Variants in PAF1 observed in about 807,000 individuals in gnomAD.
PAF1 encodes the protein PAF1 component of Paf1/RNA polymerase II complex.
PAF1 carries 31 observed loss-of-function variants against 68.4 expected under a neutral mutation model. The ratio of observed to expected loss-of-function variants is 0.45; its 90% confidence interval spans 0.34 to 0.61. The LOEUF (loss-of-function observed/expected upper bound fraction) is 0.61. PAF1 is among the 20% of genes least tolerant of loss of function. The probability of loss-of-function intolerance (pLI) is 0.01; values close to 1 mark genes in which losing one functional copy is unlikely to be tolerated. For missense variants in PAF1, 435 were observed against 692.9 expected (o/e 0.63, Z 4.18); for synonymous variants, 256 against 240.5 (o/e 1.06, Z -0.60).
intron 1 of PAF1, 33 bp downstream of exon 1, chr19:39,390,785 C>G (rs568250519): frequency 1.3e-4 from 205 of 1,561,184 alleles, no homozygotes; most frequent in Non-Finnish European, 1.7e-4. Flanking sequence ...CCCGATCCCC[C>G]GCCTTGCTGC....
At position 39,386,410 on chromosome 19, in the gene PAF1, G is replaced by A. The variant is rs2078250324; in HGVS notation, c.1184-7C>T. 1 of 1,614,032 alleles carries A rather than the reference G, an allele frequency of 6.2e-7. No homozygotes were observed. The highest frequency in any genetic ancestry group is 8.5e-7 in the Non-Finnish European group (1 of 1,179,940). On this transcript the variant is annotated splice_polypyrimidine_tract_variant and splice_region_variant and intron_variant, in intron 13 of 13. Transcript: ENST00000221265. The surrounding 1 kb of genome is among the most constrained non-coding windows in gnomAD (Gnocchi z 6.1). ...CCCTTCTCCTGCTCCTCATCTGGAAGGGAGTGGAGAGAGATGAAACCCACT... is the reference window on the plus strand; with the variant it reads ...CCCTTCTCCTGCTCCTCATCTGGAAAGGAGTGGAGAGAGATGAAACCCACT...
At chr19:39,390,740 T>A in intron 1 of PAF1, 78 bp downstream of exon 1, 1 of 1,447,818 alleles carries the variant, frequency 6.9e-7, no homozygotes, top group Non-Finnish European at 9.5e-7. Context: ...CGGGCAGACC[T>A]GGGGGCTGGT....
chr19:39,386,562 T>G lies in PAF1; in HGVS notation c.1103A>C (p.Lys368Thr), dbSNP rs990816879. 6.2e-7 allele frequency: 1 copy of G among 1,614,126 alleles called. No individual in the cohort carries two copies. Among genetic ancestry groups the G allele is most frequent in the Non-Finnish European group, 8.5e-7 (1 of 1,179,996 alleles). The change falls in exon 13 of 14, where the codon AAG (lysine) becomes ACG (threonine). Residue 368 changes from lysine (K) to threonine (T), a missense_variant. Physicochemically the swap from Lys to Thr is moderately conservative, Grantham distance 78 (BLOSUM62 -1). Around this residue, in one of 7 missense-constraint regions of PAF1, gnomAD observed 151 missense variants for 306.3 expected, o/e 0.49. Transcript: ENST00000221265. The surrounding 1 kb of genome is among the most constrained non-coding windows in gnomAD (Gnocchi z 6.1). ...CGGTTCGTGGTTTTCTAGCTGGGCC[T>G]TCCGTGCCTCCTGGAAGCAGCAAGA... ...EKELEAQEAR[K>T]AQLENHEPEE...
At chr19:39,387,839 C>T (rs947283103) in intron 11 of PAF1, among the ~76,000 whole-genome samples, 4 of 152,168 alleles carry the variant, frequency 2.6e-5, no homozygotes, top group Admixed American at 6.5e-5. Flanking sequence ...TAAATGTCTC[C>T]TGCATTAAGA....
Position 39,388,930 on chromosome 19 carries a change from C to T in PAF1, c.636+17G>A. ...ACAAATAGGCTGTCCCTTTCTACCTCCCACCTTGGGCCTGACCTTAAAGTC... is the reference window on the plus strand; with the variant it reads ...ACAAATAGGCTGTCCCTTTCTACCTTCCACCTTGGGCCTGACCTTAAAGTC... On this transcript the variant is annotated intron_variant, in intron 8 of 13. Coordinates refer to ENST00000221265, the MANE Select transcript of PAF1 (RefSeq NM_019088.4). 2 of 1,613,808 alleles carry T rather than the reference C, an allele frequency of 1.2e-6. No homozygotes were observed. Among genetic ancestry groups the T allele is most frequent in the African/African-American group, 1.3e-5 (1 of 75,032 alleles).
At chr19:39,390,224 G>GC (rs1460013004) in intron 2 of PAF1, 36 bp downstream of exon 2, 3 of 1,613,286 alleles carry the variant, frequency 1.9e-6, no homozygotes, top group East Asian at 2.2e-5. Flanking sequence ...CAGCCCCACT[G>GC]CCCCACCGCT....
chr19:39,389,401 G>A lies in PAF1; in HGVS notation c.360-18C>T, dbSNP rs1436242382. 3.1e-6 allele frequency: 5 copies of A among 1,613,204 alleles called. No individual in the cohort carries two copies. The highest frequency in any genetic ancestry group is 4.5e-5 in the East Asian group (2 of 44,874). ...GCTGGGATCTGGGGTGGGAAATCAG[G>A]TATCTCAGGACCCCACTGCCCTCCT... On this transcript the variant is annotated intron_variant, in intron 5 of 13. Transcript: ENST00000221265. This position sits in a 1 kb window ranked among gnomAD's most constrained non-coding sequence, Gnocchi z 5.3.
chr19:39,386,619 G>C lies in PAF1; in HGVS notation c.1093-47C>G, dbSNP rs2078256517. ...TGAGGGGAAGGAGGGTGTTCTGCTG[G>C]GTTTTTGTCCCCCTCCTCACCTACA... On this transcript the variant is annotated intron_variant, in intron 12 of 13. Transcript: ENST00000221265. This position sits in a 1 kb window ranked among gnomAD's most constrained non-coding sequence, Gnocchi z 6.1. 1 of 1,608,364 alleles carries C rather than the reference G, an allele frequency of 6.2e-7. No individual in the cohort carries two copies. The highest frequency in any genetic ancestry group is 8.5e-7 in the Non-Finnish European group (1 of 1,175,000).
rs2078267425 is a variant in PAF1 at position 39,387,037 on chromosome 19, T to C, written c.987-238A>G. 4 of 580,776 alleles carry C rather than the reference T, an allele frequency of 6.9e-6. 1 individual carries two copies. The South Asian group carries it at 7.9e-5, about 12-fold the overall frequency. 36.0% of individuals were successfully genotyped at this position (580,776 alleles called of 1,614,324 possible). A position where few individuals can be genotyped will look rare whatever the true frequency, so the allele number is the denominator to read the frequency against. On this transcript the variant is annotated intron_variant, in intron 11 of 13. Coordinates refer to ENST00000221265, the MANE Select transcript of PAF1 (RefSeq NM_019088.4). ...TGCCCTACACTGTGTGTGTGTGTTA[T>C]ACGGTGTATTTACATAAATACGGGC...
Position 39,389,550 on chromosome 19 carries a change from G to A in PAF1, c.293-4C>T. On this transcript the variant is annotated splice_polypyrimidine_tract_variant and splice_region_variant and intron_variant, in intron 4 of 13. Coordinates refer to ENST00000221265, the MANE Select transcript of PAF1 (RefSeq NM_019088.4). The surrounding 1 kb of genome is among the most constrained non-coding windows in gnomAD (Gnocchi z 5.3). ...TCATCAGCTGGATCTAGAAGAACTA[G>A]AGGAGAGCGGGGGGCAGGAGGACCA... 1 of 1,614,202 alleles carries A rather than the reference G, an allele frequency of 6.2e-7. No individual in the cohort carries two copies. The highest frequency in any genetic ancestry group is 8.5e-7 in the Non-Finnish European group (1 of 1,180,024).
intron 3 of PAF1, 51 bp downstream of exon 3, chr19:39,390,018 C>T (rs1247009781): frequency 1.4e-6 from 2 of 1,449,554 alleles, no homozygotes; most frequent in Middle Eastern, 1.7e-4. Context: ...CAAGCAGTCC[C>T]TGCCTTCAAG....
intron 11 of PAF1, 57 bp downstream of exon 11, chr19:39,388,282 C>T (rs1395364042): frequency 7.5e-6 from 12 of 1,596,926 alleles, no homozygotes; most frequent in Non-Finnish European, 8.6e-6. Context: ...CTCTTGCATG[C>T]CCCAGGGTCT....
At chr19:39,388,232 C>G (rs1460524324) in intron 11 of PAF1, 107 bp downstream of exon 11, 8 of 1,058,944 alleles carry the variant, frequency 7.6e-6, no homozygotes, top group Non-Finnish European at 8.6e-6. Flanking sequence ...TTTACCAATG[C>G]ATATGACAAA....
At position 39,386,492 on chromosome 19, in the gene PAF1, A is replaced by G; in HGVS notation, c.1173T>C (p.Ala391=). Residue 391 remains alanine, a synonymous_variant, in exon 13 of 14, where the codon GCT becomes GCC. Transcript: ENST00000221265. This position sits in a 1 kb window ranked among gnomAD's most constrained non-coding sequence, Gnocchi z 6.1. ...EEEMETEEKE[A]GGSDEEQEKG... Reference sequence around the variant, plus strand: ...CCTGTCCAGATTTACCTGAGCCCCCAGCTTCTTTCTCTTCTGTCTCCATCT... The same window carrying G: ...CCTGTCCAGATTTACCTGAGCCCCCGGCTTCTTTCTCTTCTGTCTCCATCT... The G allele has an allele frequency of 6.2e-7, 1 of 1,614,058 alleles. No individual in the cohort carries two copies. Among genetic ancestry groups the G allele is most frequent in the South Asian group, 1.1e-5 (1 of 91,072 alleles).
chr19:39,388,515 C>T lies in PAF1; in HGVS notation c.857+45G>A, dbSNP rs573846254. 1.8e-5 allele frequency: 29 copies of T among 1,613,000 alleles called. 1 individual carries two copies. In the South Asian group the frequency reaches 3.0e-4, roughly 16 times the overall value. Reference sequence around the variant, plus strand: ...AGCCCCATTTCTTCCCTATCCCAATCCCCAAAACTTCCCAATCCCCAAAAC... The same window carrying T: ...AGCCCCATTTCTTCCCTATCCCAATTCCCAAAACTTCCCAATCCCCAAAAC... On this transcript the variant is annotated intron_variant, in intron 10 of 13. Transcript: ENST00000221265.
chr19:39,389,356 T>C lies in PAF1; in HGVS notation c.387A>G (p.Pro129=). 1.2e-6 allele frequency: 2 copies of C among 1,614,184 alleles called. No homozygotes were observed. Among genetic ancestry groups the C allele is most frequent in the Non-Finnish European group, 1.7e-6 (2 of 1,180,020 alleles). Residue 129 remains proline (P), a synonymous_variant, in exon 6 of 14, where the codon CCA becomes CCG. Coordinates refer to ENST00000221265, the MANE Select transcript of PAF1 (RefSeq NM_019088.4). This position sits in a 1 kb window ranked among gnomAD's most constrained non-coding sequence, Gnocchi z 5.3. ...AGATGTACTCTGTCTTTCGCATCCATGGCACCACCTTCGCGTGCTGCTGGG... is the reference window on the plus strand; with the variant it reads ...AGATGTACTCTGTCTTTCGCATCCACGGCACCACCTTCGCGTGCTGCTGGG... ...KRSQQHAKVV[P]WMRKTEYIST...
intron 10 of PAF1, 25 bp from the exon 11 acceptor site, chr19:39,388,492 C>T (rs1301688964): frequency 6.2e-7 from 1 of 1,614,034 alleles, no homozygotes; most frequent in East Asian, 2.2e-5. Context: ...ACAGGTTCAG[C>T]CCCATTTCTT....
intron 11 of PAF1, 136 bp downstream of exon 11, chr19:39,388,203 C>T (rs2078295454): frequency 2.4e-6 from 2 of 828,092 alleles, no homozygotes; most frequent in East Asian, 5.1e-5. Flanking sequence ...TGTGCATGAC[C>T]AGACATCTGC....
At chr19:39,390,382 G>A in intron 1 of PAF1, 93 bp from the exon 2 acceptor site, 4 of 1,085,482 alleles carry the variant, frequency 3.7e-6, no homozygotes, top group Non-Finnish European at 4.0e-6. Context: ...AGGTAGGAGG[G>A]GTGACAAATG....
Sources: gnomAD v4.1 joint callset for allele counts (sites outside exome capture counted in the v4.1 genomes callset) on GRCh38, gnomAD v4.1.1 for gene constraint, gnomAD v4.1.1 regional missense constraint, Gnocchi (gnomAD v3.1) non-coding constraint, MANE v1.5 for transcripts, NCBI Gene and HGNC (gene_info 2026-07-23, HGNC 2026-07-21) for gene names.